CAST: variants seen among roughly 807,000 people sequenced by gnomAD.
CAST encodes MIR583 host.
A neutral mutation model predicts 119.6 loss-of-function variants in CAST; 76 were observed. The observed-to-expected ratio is 0.64, with a 90% CI of 0.53 to 0.77. The LOEUF (loss-of-function observed/expected upper bound fraction) is 0.77, where lower values mean the gene tolerates loss of function less well. Ranked by LOEUF, CAST falls within the 30% of genes least tolerant of loss-of-function variation. The pLI is 0.00. For missense variants in CAST, 953 were observed against 946.5 expected (o/e 1.01, Z -0.09); for synonymous variants, 319 against 331.6 (o/e 0.96, Z 0.41).
At chr5:96,050,866 G>GT in the CAST span, among the ~76,000 whole-genome samples, 1 of 152,108 alleles carries the variant, frequency 6.6e-6, no homozygotes, top group East Asian at 1.9e-4. Context: ...GGAAATGTGG[G>GT]TCCAGGGGCA....
At chr5:96,759,455 T>C (rs1049648656) in intron 24 of CAST, among the ~76,000 whole-genome samples, 2 of 152,116 alleles carry the variant, frequency 1.3e-5, no homozygotes, top group African/African-American at 4.8e-5. Flanking sequence ...GCAGTATTCC[T>C]GTGATACATT....
At chr5:96,108,361 A>G in the CAST span, among the ~76,000 whole-genome samples, 2 of 151,914 alleles carry the variant, frequency 1.3e-5, no homozygotes, top group Non-Finnish European at 2.9e-5. Flanking sequence ...GGTTTTATCT[A>G]CTTTTGGTCT....
At chr5:96,070,889 C>G in the CAST span, among the ~76,000 whole-genome samples, 1 of 152,122 alleles carries the variant, frequency 6.6e-6, no homozygotes, top group Admixed American at 6.6e-5. Flanking sequence ...CGCCCAAGGA[C>G]TAAGGAGAAC....
the CAST span, among the ~76,000 whole-genome samples, chr5:96,154,803 C>T: frequency 1.3e-5 from 2 of 152,152 alleles, no homozygotes. Context: ...AGTTGAAGAC[C>T]ACAGAGGTAA....
intron 19 of CAST, among the ~76,000 whole-genome samples, chr5:96,749,381 A>G (rs1391366453): frequency 6.6e-6 from 1 of 152,218 alleles, no homozygotes; most frequent in Non-Finnish European, 1.5e-5. Flanking sequence ...CTTTAACTCT[A>G]ACATTTATGC....
the CAST span, among the ~76,000 whole-genome samples, chr5:96,183,582 T>C: frequency 6.6e-6 from 1 of 152,332 alleles, no homozygotes; most frequent in Admixed American, 6.5e-5. Context: ...ATCTTTGATT[T>C]TTTTTTCCAC....
chr5:96,060,218 C>T, the CAST span, among the ~76,000 whole-genome samples: 1 of 152,080 alleles, frequency 6.6e-6, no homozygotes, highest in Non-Finnish European at 1.5e-5. Flanking sequence ...ACTCTCCCAC[C>T]CTCTAACATT....
chr5:96,006,062 T>G, the CAST span, among the ~76,000 whole-genome samples: 1 of 152,218 alleles, frequency 6.6e-6, no homozygotes, highest in African/African-American at 2.4e-5. Context: ...ATTTTTAAAA[T>G]GATGAGTGAA....
chr5:96,328,587 C>T, the CAST span, among the ~76,000 whole-genome samples: 9 of 152,166 alleles, frequency 5.9e-5, no homozygotes, highest in African/African-American at 2.2e-4. Context: ...CTTTCTCACT[C>T]GCTCACTGCA....
chr5:96,228,003 C>CTCTG, the CAST span, among the ~76,000 whole-genome samples: 2 of 146,578 alleles, frequency 1.4e-5, no homozygotes, highest in African/African-American at 2.6e-5. Flanking sequence ...CTTTCTCTCT[C>CTCTG]TGTGTGTGTG....
the CAST span, among the ~76,000 whole-genome samples, chr5:96,208,342 G>A: frequency 6.6e-6 from 1 of 151,376 alleles, no homozygotes; most frequent in African/African-American, 2.4e-5. Flanking sequence ...GTTCTGATTT[G>A]GGTTATTTCT....
chr5:96,666,577 G>A (rs113670548), intron 1 of CAST, among the ~76,000 whole-genome samples: 4 of 152,276 alleles, frequency 2.6e-5, no homozygotes, highest in African/African-American at 9.6e-5. Flanking sequence ...TTAGAACTAA[G>A]GAAGGCAAAT....
At chr5:95,981,942 C>T in the CAST span, among the ~76,000 whole-genome samples, 29 of 151,956 alleles carry the variant, frequency 1.9e-4, no homozygotes, top group Admixed American at 1.9e-3. Flanking sequence ...AAAAATAGTA[C>T]ATAATTTCCA....
the CAST span, among the ~76,000 whole-genome samples, chr5:96,257,852 C>G: frequency 6.6e-6 from 1 of 152,218 alleles, no homozygotes; most frequent in Non-Finnish European, 1.5e-5. Flanking sequence ...CAGCGGCGCA[C>G]AAGGCGCACT....
At chr5:96,302,444 C>A in the CAST span, among the ~76,000 whole-genome samples, 1 of 152,102 alleles carries the variant, frequency 6.6e-6, no homozygotes, top group Non-Finnish European at 1.5e-5. Flanking sequence ...AATTCCTCCC[C>A]GAGAAAATGG....
the CAST span, among the ~76,000 whole-genome samples, chr5:96,065,886 C>T: frequency 2.0e-5 from 3 of 152,084 alleles, no homozygotes; most frequent in South Asian, 6.2e-4. Context: ...CATATTGTCC[C>T]TGGTATGATC....
the CAST span, among the ~76,000 whole-genome samples, chr5:96,184,877 G>C: frequency 1.3e-5 from 2 of 152,116 alleles, no homozygotes; most frequent in African/African-American, 4.8e-5. Flanking sequence ...ACCCAGTAAT[G>C]TGATTGCTAG....
chr5:96,393,371 GGCT>G, the CAST span: 1 of 1,613,732 alleles, frequency 6.2e-7, no homozygotes, highest in Non-Finnish European at 8.5e-7. Flanking sequence ...CTCTTGTGTG[GGCT>G]GCTCCTAAAA....
At position 96,762,358 on chromosome 5, in the gene CAST, C is replaced by T. The variant is rs745363290; in HGVS notation, c.1918C>T (p.Pro640Ser). 20 of 1,596,784 alleles carry T rather than the reference C, an allele frequency of 1.3e-5. No individual in the cohort carries two copies. The highest frequency in any genetic ancestry group is 6.8e-5 in the African/African-American group (5 of 74,034). Reference protein sequence around the residue: ...PASTTQAGAPPRDTSQSDKDL... With the variant: ...PASTTQAGAPSRDTSQSDKDL... ...TTCAACGACCCAAGCTGGAGCCCCA[C>T]CCCGTGATACCTCGGTAAGCAGCAC... The change falls in exon 25 of 32, where the codon CCC becomes TCC. Residue 640 changes from proline to serine, a missense_variant. By Grantham distance (74) the Pro-to-Ser change is moderately conservative (BLOSUM62 -1). Transcript: ENST00000675179.
Sources: allele counts gnomAD v4.1 joint callset (sites outside exome capture counted in the v4.1 genomes callset), GRCh38; gene constraint gnomAD v4.1.1; transcripts MANE v1.5; gene names NCBI Gene and HGNC (gene_info 2026-07-23, HGNC 2026-07-21).